STK3: variants seen among roughly 807,000 people sequenced by gnomAD.
The protein encoded by STK3 is serine/threonine-protein kinase 3.
A neutral mutation model predicts 58.0 loss-of-function variants in STK3; 41 were observed. That is an observed-to-expected ratio of 0.71 (90% confidence interval 0.55 to 0.92). STK3 has a LOEUF of 0.92. Ranked by LOEUF, STK3 falls within the 40% of genes least tolerant of loss-of-function variation. The pLI, the probability that STK3 is intolerant of heterozygous loss-of-function variation, is 0.00. For synonymous variants in STK3, 170 were observed against 191.0 expected (o/e 0.89, Z 0.91); for missense variants, 479 against 602.7 (o/e 0.79, Z 2.15).
intron 1 of STK3, among the ~76,000 whole-genome samples, chr8:98,444,725 T>G (rs1346799864): frequency 6.6e-6 from 1 of 152,166 alleles, no homozygotes; most frequent in African/African-American, 2.4e-5. Flanking sequence ...GAGGTACGTG[T>G]GGGACATTAA....
At chr8:98,624,906 T>C (rs1429968352) in intron 6 of STK3, among the ~76,000 whole-genome samples, 1 of 151,724 alleles carries the variant, frequency 6.6e-6, no homozygotes, top group Non-Finnish European at 1.5e-5. Flanking sequence ...GAGTCTTGGC[T>C]AGATAGAGGA....
intron 1 of STK3, among the ~76,000 whole-genome samples, chr8:98,821,500 T>TAA (rs538932582): frequency 7.2e-6 from 1 of 139,122 alleles, no homozygotes; most frequent in African/African-American, 2.6e-5. Context: ...CTCTACAAAT[T>TAA]AAAAAAAAAA....
intron 7 of STK3, among the ~76,000 whole-genome samples, chr8:98,583,595 C>A (rs1161010276): frequency 6.6e-6 from 1 of 152,120 alleles, no homozygotes; most frequent in Non-Finnish European, 1.5e-5. Flanking sequence ...TTTCAATAAG[C>A]TCTTCTGTAT....
At chr8:98,490,508 G>C (rs1822604523) in intron 10 of STK3, among the ~76,000 whole-genome samples, 1 of 152,134 alleles carries the variant, frequency 6.6e-6, no homozygotes, top group Non-Finnish European at 1.5e-5. Context: ...CCATAAAACA[G>C]CTGCATCGTA....
At chr8:98,621,515 T>C (rs946710736) in intron 6 of STK3, among the ~76,000 whole-genome samples, 12 of 152,206 alleles carry the variant, frequency 7.9e-5, no homozygotes, top group Non-Finnish European at 1.8e-4. Context: ...TACCATTAAT[T>C]ATGATGTTAG....
In STK3 at chr8:98,455,835, A is replaced by G. The variant is rs1819448013; in HGVS notation, c.*7T>C. On this transcript the variant is annotated 3_prime_UTR_variant, in exon 11 of 11. Coordinates refer to ENST00000419617, the MANE Select transcript of STK3 (RefSeq NM_006281.4). ...CAGAATAGTTAAAAACAGAGAGGAAATTAGACTCAAAAGTTTTGCTGCCTT... is the reference window on the plus strand; with the variant it reads ...CAGAATAGTTAAAAACAGAGAGGAAGTTAGACTCAAAAGTTTTGCTGCCTT... 4.3e-6 allele frequency: 7 copies of G among 1,613,282 alleles called. No individual in the cohort carries two copies. Among genetic ancestry groups the G allele is most frequent in the Non-Finnish European group, 5.9e-6 (7 of 1,179,686 alleles).
intron 1 of STK3, among the ~76,000 whole-genome samples, chr8:98,900,402 A>G (rs937497351): frequency 6.6e-6 from 1 of 151,968 alleles, no homozygotes. Flanking sequence ...TTTTAAAAAC[A>G]TTTTTTTAAG....
intron 1 of STK3, among the ~76,000 whole-genome samples, chr8:98,931,011 C>T (rs1206059967): frequency 6.6e-6 from 1 of 152,188 alleles, no homozygotes; most frequent in Non-Finnish European, 1.5e-5. Flanking sequence ...GTTCCTAACC[C>T]ACAGCTTCTG....
intron 4 of STK3, among the ~76,000 whole-genome samples, chr8:98,733,319 T>C (rs1168799902): frequency 6.6e-6 from 1 of 152,154 alleles, no homozygotes; most frequent in Non-Finnish European, 1.5e-5. Context: ...CCATGGCCCG[T>C]TGGGAACTGG....
At chr8:98,757,508 T>A (rs532014542) in intron 3 of STK3, among the ~76,000 whole-genome samples, 9 of 148,520 alleles carry the variant, frequency 6.1e-5, no homozygotes, top group African/African-American at 2.2e-4. Context: ...GGCAGGAGAA[T>A]CTCTTGAACC....
intron 1 of STK3, among the ~76,000 whole-genome samples, chr8:98,384,395 G>T (rs1481600464): frequency 6.6e-6 from 1 of 152,136 alleles, no homozygotes; most frequent in Non-Finnish European, 1.5e-5. Flanking sequence ...TTGTTGCTTT[G>T]TCTTTCATTG....
In STK3 at chr8:98,670,669, C is replaced by T. The variant is rs113797843; in HGVS notation, c.684+35798G>A. On this transcript the variant is annotated intron_variant, in intron 6 of 10. Transcript: ENST00000419617. ...TTCTTTCTGAATAATGCTTTTTAACCAATCAAATGTTGCCTTTTCCAATAC... is the reference window on the plus strand; with the variant it reads ...TTCTTTCTGAATAATGCTTTTTAACTAATCAAATGTTGCCTTTTCCAATAC... Among the ~76,000 whole-genome samples, 96 of 152,240 alleles carry T rather than the reference C, an allele frequency of 6.3e-4. 1 individual carries two copies. The South Asian group carries it at 8.3e-3, about 13-fold the overall frequency.
At chr8:98,924,897 T>C (rs1213302606) in intron 1 of STK3, among the ~76,000 whole-genome samples, 1 of 152,144 alleles carries the variant, frequency 6.6e-6, no homozygotes, top group Non-Finnish European at 1.5e-5. Context: ...GCCCATAAAA[T>C]GCCTCAGAAT....
At chr8:98,700,245 C>A (rs1040809313) in intron 6 of STK3, among the ~76,000 whole-genome samples, 21 of 152,178 alleles carry the variant, frequency 1.4e-4, no homozygotes, top group Admixed American at 5.9e-4. Flanking sequence ...TGGGAGCGAC[C>A]CGATTTTCCA....
At chr8:98,429,442 C>A in intron 3 of STK3, 1 of 1,495,316 alleles carries the variant, frequency 6.7e-7, no homozygotes. Flanking sequence ...CTCCACCCCA[C>A]ATTGCTGAGC....
At chr8:98,813,570 T>A (rs961767842) in intron 1 of STK3, among the ~76,000 whole-genome samples, 3 of 152,226 alleles carry the variant, frequency 2.0e-5, no homozygotes, top group East Asian at 1.9e-4. Flanking sequence ...AAAAGTACTC[T>A]AAAATTATAA....
At chr8:98,720,691 T>C (rs1827338577) in intron 4 of STK3, among the ~76,000 whole-genome samples, 1 of 142,564 alleles carries the variant, frequency 7.0e-6, no homozygotes, top group South Asian at 2.2e-4. Flanking sequence ...GTGGAGCTTG[T>C]AGTGAGCATA....
At chr8:98,586,865 A>G (rs963910799) in intron 7 of STK3, among the ~76,000 whole-genome samples, 11 of 149,592 alleles carry the variant, frequency 7.4e-5, no homozygotes, top group African/African-American at 2.5e-4. Context: ...TTTCTTCTAG[A>G]TTTTCTAGTT....
At chr8:98,935,468 C>G (rs1840162516) in intron 1 of STK3, among the ~76,000 whole-genome samples, 1 of 152,140 alleles carries the variant, frequency 6.6e-6, no homozygotes, top group East Asian at 1.9e-4. Context: ...TCAATAGTAT[C>G]CCCAAATTAA....
Sources: gnomAD v4.1 joint callset for allele counts (sites outside exome capture counted in the v4.1 genomes callset) on GRCh38, gnomAD v4.1.1 for gene constraint, MANE v1.5 for transcripts, NCBI Gene and HGNC (gene_info 2026-07-23, HGNC 2026-07-21) for gene names.